Variants in ZMAT4 observed in about 807,000 individuals in gnomAD.
The protein encoded by ZMAT4 is zinc finger matrin-type protein 4.
A neutral mutation model predicts 28.7 loss-of-function variants in ZMAT4; 17 were observed. That is an observed-to-expected ratio of 0.59 (90% CI 0.41 to 0.89). ZMAT4 has a LOEUF of 0.89. Ranked by LOEUF, ZMAT4 falls within the 40% of genes least tolerant of loss-of-function variation. The pLI, the probability that ZMAT4 is intolerant of heterozygous loss-of-function variation, is 0.00. For missense variants in ZMAT4, 240 were observed against 283.8 expected (o/e 0.85, Z 1.11); for synonymous variants, 117 against 109.2 (o/e 1.07, Z -0.44).
At chr8:40,556,192 G>A (rs912680924) in intron 6 of ZMAT4, among the ~76,000 whole-genome samples, 1 of 151,972 alleles carries the variant, frequency 6.6e-6, no homozygotes, top group Non-Finnish European at 1.5e-5. Flanking sequence ...CATGCTCATG[G>A]TTTTAACTAC....
intron 2 of ZMAT4, among the ~76,000 whole-genome samples, chr8:40,824,544 T>C (rs1815952126): frequency 6.6e-6 from 1 of 151,164 alleles, no homozygotes; most frequent in African/African-American, 2.4e-5. Flanking sequence ...CATGCCCTAG[T>C]AGCTCTCAGC....
chr8:40,722,277 T>A (rs1339302612), intron 3 of ZMAT4, among the ~76,000 whole-genome samples: 1 of 152,230 alleles, frequency 6.6e-6, no homozygotes, highest in Non-Finnish European at 1.5e-5. Context: ...CCTACTCATC[T>A]GACAAAGGGC....
chr8:40,785,960 A>AT (rs533877662), intron 2 of ZMAT4, among the ~76,000 whole-genome samples: 1 of 151,476 alleles, frequency 6.6e-6, no homozygotes, highest in Non-Finnish European at 1.5e-5. Flanking sequence ...GATGACCATT[A>AT]TTTTTTTTTA....
At chr8:40,581,394 T>C (rs1804461148) in intron 5 of ZMAT4, 133 bp from the exon 6 acceptor site, 4 of 624,278 alleles carry the variant, frequency 6.4e-6, no homozygotes, top group Non-Finnish European at 1.1e-5. Context: ...ACTTCAACCC[T>C]TCCTTGCAGA....
intron 3 of ZMAT4, among the ~76,000 whole-genome samples, chr8:40,757,215 G>A (rs991489847): frequency 6.6e-6 from 1 of 152,162 alleles, no homozygotes; most frequent in African/African-American, 2.4e-5. Flanking sequence ...TGCACTTTGG[G>A]TGACTCAAAC....
At chr8:40,573,576 C>T (rs549291678) in intron 6 of ZMAT4, among the ~76,000 whole-genome samples, 1 of 152,154 alleles carries the variant, frequency 6.6e-6, no homozygotes, top group Non-Finnish European at 1.5e-5. Flanking sequence ...TGCAAAGACC[C>T]TATTTACATA....
chr8:40,880,776 A>G (rs1818194000), intron 1 of ZMAT4, among the ~76,000 whole-genome samples: 1 of 152,124 alleles, frequency 6.6e-6, no homozygotes, highest in South Asian at 2.1e-4. Flanking sequence ...GGAGTTAAAC[A>G]TCCTTCCATG....
chr8:40,658,418 A>G (rs1484064726), intron 5 of ZMAT4, among the ~76,000 whole-genome samples: 2 of 152,114 alleles, frequency 1.3e-5, no homozygotes, highest in African/African-American at 4.8e-5. Context: ...GGTGAAGTCA[A>G]ACTCCAAATT....
intron 6 of ZMAT4, among the ~76,000 whole-genome samples, chr8:40,578,632 A>G (rs1480531862): frequency 6.6e-6 from 1 of 152,124 alleles, no homozygotes; most frequent in African/African-American, 2.4e-5. Flanking sequence ...CTCAATCTTG[A>G]TCACAAGCAT....
intron 1 of ZMAT4, among the ~76,000 whole-genome samples, chr8:40,888,248 A>T (rs1818542374): frequency 1.3e-5 from 2 of 152,192 alleles, no homozygotes; most frequent in Non-Finnish European, 2.9e-5. Context: ...GTAGGGCTGT[A>T]TTTGCAGACA....
intron 2 of ZMAT4, among the ~76,000 whole-genome samples, chr8:40,789,813 G>A (rs1243606628): frequency 6.6e-6 from 1 of 152,204 alleles, no homozygotes; most frequent in African/African-American, 2.4e-5. Flanking sequence ...GCAAACTACT[G>A]TGTAGCAGAC....
intron 2 of ZMAT4, among the ~76,000 whole-genome samples, chr8:40,795,381 C>G (rs542526567): frequency 6.6e-6 from 1 of 152,328 alleles, no homozygotes; most frequent in East Asian, 1.9e-4. Context: ...GAATTAAAAG[C>G]TGTACTGGAT....
At chr8:40,846,997 A>G (rs2150631681) in intron 1 of ZMAT4, among the ~76,000 whole-genome samples, 1 of 152,280 alleles carries the variant, frequency 6.6e-6, no homozygotes, top group African/African-American at 2.4e-5. Context: ...ATTTGAGGTC[A>G]GGAGTTCGAG....
intron 5 of ZMAT4, among the ~76,000 whole-genome samples, chr8:40,667,156 A>C (rs1261549228): frequency 6.7e-6 from 1 of 150,120 alleles, no homozygotes; most frequent in East Asian, 1.9e-4. Flanking sequence ...TATTTTTTTT[A>C]TTTTTATTTT....
At chr8:40,574,260 G>A (rs1804190869) in intron 6 of ZMAT4, among the ~76,000 whole-genome samples, 1 of 151,832 alleles carries the variant, frequency 6.6e-6, no homozygotes, top group South Asian at 2.1e-4. Context: ...ATACTTTAAG[G>A]AAAAAATAAT....
chr8:40,564,109 A>G (rs1236439713), intron 6 of ZMAT4, among the ~76,000 whole-genome samples: 1 of 152,174 alleles, frequency 6.6e-6, no homozygotes, highest in Non-Finnish European at 1.5e-5. Flanking sequence ...AAAAAGAGAA[A>G]ATACGTGAAT....
At chr8:40,850,671 C>T (rs1054763738) in intron 1 of ZMAT4, among the ~76,000 whole-genome samples, 10 of 152,166 alleles carry the variant, frequency 6.6e-5, no homozygotes, top group Admixed American at 5.2e-4. Flanking sequence ...TTCTTTCTCA[C>T]TAAATTTAGT....
At chr8:40,695,125 C>A (rs1316322074) in intron 4 of ZMAT4, among the ~76,000 whole-genome samples, 1 of 152,190 alleles carries the variant, frequency 6.6e-6, no homozygotes, top group Non-Finnish European at 1.5e-5. Context: ...ATAAAAATGG[C>A]CAATTTCTAC....
At chr8:40,797,778 T>G (rs934774913) in intron 2 of ZMAT4, among the ~76,000 whole-genome samples, 2 of 152,190 alleles carry the variant, frequency 1.3e-5, no homozygotes, top group African/African-American at 4.8e-5. Context: ...GCAGGGGATC[T>G]GTCGACAGGT....
Sources: gnomAD v4.1 joint callset for allele counts (sites outside exome capture counted in the v4.1 genomes callset) on GRCh38, gnomAD v4.1.1 for gene constraint, MANE v1.5 for transcripts, NCBI Gene and HGNC (gene_info 2026-07-23, HGNC 2026-07-21) for gene names.